Variants in TMEM266 observed in about 807,000 individuals in gnomAD.
TMEM266 encodes the protein Hv1 related protein 1.
Under a neutral mutation model 50.5 loss-of-function variants are expected in TMEM266, and 33 were observed. That is an observed-to-expected ratio of 0.65 (90% confidence interval 0.50 to 0.87). The LOEUF is 0.87. Ranked by LOEUF, TMEM266 falls within the 40% of genes least tolerant of loss-of-function variation. The pLI, the probability that TMEM266 is intolerant of heterozygous loss-of-function variation, is 0.00. For synonymous variants in TMEM266, 310 were observed against 292.3 expected (o/e 1.06, Z -0.62); for missense variants, 655 against 695.1 (o/e 0.94, Z 0.65).
intron 6 of TMEM266, 88 bp downstream of exon 6, chr15:76,169,960 C>A: frequency 7.0e-7 from 1 of 1,434,164 alleles, no homozygotes; most frequent in Non-Finnish European, 9.8e-7. Context: ...AGGGTGGACA[C>A]CATCAAGAAG....
chr15:76,190,842 C>A (rs1283002960), intron 8 of TMEM266, among the ~76,000 whole-genome samples: 1 of 152,106 alleles, frequency 6.6e-6, no homozygotes, highest in African/African-American at 2.4e-5. Flanking sequence ...AAGTAGGTGA[C>A]CTCTTAGGCA....
chr15:76,151,191 G>C (rs2037837983), intron 3 of TMEM266, among the ~76,000 whole-genome samples: 2 of 152,122 alleles, frequency 1.3e-5, no homozygotes, highest in Admixed American at 6.5e-5. Context: ...TTGATGGGCC[G>C]ACGCTGAAGA....
intron 8 of TMEM266, among the ~76,000 whole-genome samples, chr15:76,176,943 T>C (rs1052818738): frequency 2.1e-4 from 32 of 152,144 alleles, no homozygotes; most frequent in African/African-American, 7.0e-4. Context: ...CCAAGTGGAG[T>C]CACCTGTCAT....
intron 7 of TMEM266, among the ~76,000 whole-genome samples, chr15:76,173,228 A>C (rs2142062359): frequency 6.6e-6 from 1 of 152,228 alleles, no homozygotes; most frequent in East Asian, 1.9e-4. Context: ...TGATTCCTGC[A>C]ACAGCCAGGA....
chr15:76,150,036 C>G (rs1452606926), intron 3 of TMEM266, among the ~76,000 whole-genome samples: 1 of 152,192 alleles, frequency 6.6e-6, no homozygotes, highest in Non-Finnish European at 1.5e-5. Context: ...ATAGAACTGG[C>G]ACGAGTGGAG....
intron 1 of TMEM266, among the ~76,000 whole-genome samples, chr15:76,130,707 A>G (rs1450769624): frequency 6.6e-6 from 1 of 152,264 alleles, no homozygotes; most frequent in East Asian, 1.9e-4. Context: ...GCAGGGATAC[A>G]GAGAAAAGAT....
chr15:76,179,427 C>T (rs1419613459), intron 8 of TMEM266, among the ~76,000 whole-genome samples: 1 of 152,216 alleles, frequency 6.6e-6, no homozygotes, highest in Non-Finnish European at 1.5e-5. Context: ...AGTGGCAGCT[C>T]GCCTTGGGGG....
At chr15:76,086,034 G>A (rs962128727) in intron 1 of TMEM266, among the ~76,000 whole-genome samples, 2 of 148,138 alleles carry the variant, frequency 1.4e-5, no homozygotes, top group African/African-American at 2.5e-5. Flanking sequence ...GGCGATGAGA[G>A]CGAAACTCCA....
intron 8 of TMEM266, among the ~76,000 whole-genome samples, chr15:76,176,807 G>A (rs911593168): frequency 2.6e-5 from 4 of 152,188 alleles, no homozygotes; most frequent in African/African-American, 9.7e-5. Context: ...CCATTGCTGG[G>A]TGCCCAGGCA....
At chr15:76,137,663 C>T (rs1487566747) in intron 2 of TMEM266, 44 bp from the exon 3 acceptor site, 21 of 1,586,408 alleles carry the variant, frequency 1.3e-5, no homozygotes, top group Admixed American at 6.8e-5. Context: ...ATTTTTTGGC[C>T]CTTGAAGATA....
intron 1 of TMEM266, among the ~76,000 whole-genome samples, chr15:76,111,487 G>A (rs1244384636): frequency 2.0e-5 from 3 of 151,698 alleles, no homozygotes; most frequent in Non-Finnish European, 4.4e-5. Context: ...GATCTTAAAT[G>A]TTCTTGCACA....
At chr15:76,103,404 G>A (rs1476615290) in intron 1 of TMEM266, among the ~76,000 whole-genome samples, 1 of 152,066 alleles carries the variant, frequency 6.6e-6, no homozygotes, top group Non-Finnish European at 1.5e-5. Flanking sequence ...GGAGGCTGAG[G>A]TGGGAGGATT....
chr15:76,079,901 A>C (rs932034510), intron 1 of TMEM266, among the ~76,000 whole-genome samples: 1 of 152,068 alleles, frequency 6.6e-6, no homozygotes, highest in African/African-American at 2.4e-5. Flanking sequence ...AAAAGATGCC[A>C]AGACTAGAGT....
At chr15:76,203,390 C>T (rs1475896018) in intron 10 of TMEM266, among the ~76,000 whole-genome samples, 1 of 152,218 alleles carries the variant, frequency 6.6e-6, no homozygotes, top group Non-Finnish European at 1.5e-5. Flanking sequence ...TACTCCAGCA[C>T]CCAGTTGACA....
At chr15:76,084,444 A>G (rs2036740606) in intron 1 of TMEM266, among the ~76,000 whole-genome samples, 3 of 152,234 alleles carry the variant, frequency 2.0e-5, no homozygotes, top group Admixed American at 2.0e-4. Context: ...AAGATAAGGG[A>G]ACTAAATGAG....
intron 8 of TMEM266, among the ~76,000 whole-genome samples, chr15:76,184,474 A>G (rs1278845027): frequency 6.6e-6 from 1 of 152,192 alleles, no homozygotes; most frequent in Non-Finnish European, 1.5e-5. Flanking sequence ...CTGTCTCCTG[A>G]TTTTTATTGT....
At chr15:76,155,914 ATTC>A (rs2037916833) in intron 3 of TMEM266, among the ~76,000 whole-genome samples, 4 of 152,236 alleles carry the variant, frequency 2.6e-5, no homozygotes, top group Non-Finnish European at 2.9e-5. Context: ...ATGTCACCGC[ATTC>A]TTAGACACAC....
chr15:76,165,609 G>A (rs2038082213), intron 5 of TMEM266, among the ~76,000 whole-genome samples: 1 of 152,206 alleles, frequency 6.6e-6, no homozygotes, highest in South Asian at 2.1e-4. Flanking sequence ...CAAGGCCACG[G>A]CCCTGGGGCT....
chr15:76,064,392 T>A (rs2036371387), intron 1 of TMEM266, among the ~76,000 whole-genome samples: 1 of 151,916 alleles, frequency 6.6e-6, no homozygotes, highest in Admixed American at 6.5e-5. Flanking sequence ...GGACTCCACA[T>A]ATATCTTTCA....
Sources: allele counts gnomAD v4.1 joint callset (sites outside exome capture counted in the v4.1 genomes callset), GRCh38; gene constraint gnomAD v4.1.1; transcripts MANE v1.5; gene names NCBI Gene and HGNC (gene_info 2026-07-23, HGNC 2026-07-21).